The following GNPNAT1 variants were observed in gnomAD, a reference collection of about 807,000 sequenced individuals.
GNPNAT1 encodes the protein glucosamine-phosphate N-acetyltransferase 1.
In GNPNAT1, 11 loss-of-function variants were observed where a neutral mutation model predicts 19.8. That is an observed-to-expected ratio of 0.56 (90% CI 0.35 to 0.92). GNPNAT1 has a LOEUF of 0.92. GNPNAT1 is among the 40% of genes least tolerant of loss of function. GNPNAT1 has a pLI of 0.01. For synonymous variants in GNPNAT1, 71 were observed against 72.3 expected, an observed-to-expected ratio of 0.98 and a Z score of 0.09; for missense variants, 157 against 211.0, an observed-to-expected ratio of 0.74 and a Z score of 1.59.
intron 1 of GNPNAT1, among the ~76,000 whole-genome samples, chr14:52,789,893 C>T (rs1340254322): frequency 6.6e-6 from 1 of 151,218 alleles, no homozygotes; most frequent in African/African-American, 2.4e-5. Flanking sequence ...GTTTAGAAGA[C>T]CCGTTTAAGC....
At chr14:52,780,568 G>C (rs926479830) in intron 5 of GNPNAT1, 111 bp downstream of exon 5, 2 of 706,474 alleles carry the variant, frequency 2.8e-6, no homozygotes, top group Admixed American at 4.4e-5. Flanking sequence ...CTATTAGAGT[G>C]AGAATAAGTT....
chr14:52,789,606 T>C (rs1191281433), intron 1 of GNPNAT1, among the ~76,000 whole-genome samples: 1 of 152,186 alleles, frequency 6.6e-6, no homozygotes, highest in Non-Finnish European at 1.5e-5. Context: ...CCAACTAAGG[T>C]ACTGGGCAAA....
intron 1 of GNPNAT1, among the ~76,000 whole-genome samples, chr14:52,790,110 A>T (rs934384735): frequency 1.3e-5 from 2 of 152,208 alleles, no homozygotes; most frequent in Non-Finnish European, 2.9e-5. Flanking sequence ...ATATTTTTTA[A>T]ACAAAACTTC....
chr14:52,781,770 T>C lies in GNPNAT1; in HGVS notation c.345+14A>G. 1.3e-6 allele frequency: 2 copies of C among 1,569,834 alleles called. No individual in the cohort carries two copies. Among genetic ancestry groups the C allele is most frequent in the South Asian group, 1.2e-5 (1 of 83,118 alleles). ...AGAAAACAGCTGTCCATTTTATTTATAAGCAGCACATACCTTAGCACAGGA... is the reference window on the plus strand; with the variant it reads ...AGAAAACAGCTGTCCATTTTATTTACAAGCAGCACATACCTTAGCACAGGA... On this transcript the variant is annotated intron_variant, in intron 4 of 5. Transcript: ENST00000216410.
chr14:52,785,720 T>TC (rs2139970166), intron 1 of GNPNAT1, among the ~76,000 whole-genome samples: 1 of 149,874 alleles, frequency 6.7e-6, no homozygotes, highest in East Asian at 2.0e-4. Flanking sequence ...AGAGTGAAAT[T>TC]CCCTCTCAAA....
intron 5 of GNPNAT1, among the ~76,000 whole-genome samples, chr14:52,779,589 A>G (rs1334067540): frequency 6.6e-6 from 1 of 151,810 alleles, no homozygotes; most frequent in African/African-American, 2.4e-5. Flanking sequence ...GTGCAGCGGC[A>G]TGCACCTGTA....
At chr14:52,790,939 G>C (rs1415152075) in intron 1 of GNPNAT1, among the ~76,000 whole-genome samples, 1 of 152,196 alleles carries the variant, frequency 6.6e-6, no homozygotes, top group Admixed American at 6.5e-5. Flanking sequence ...TCTGTACCCT[G>C]GGGAAAGCGC....
chr14:52,791,152 C>G lies in GNPNAT1; in HGVS notation c.-15+276G>C, dbSNP rs955918493. Among the ~76,000 whole-genome samples the G allele has an allele frequency of 6.6e-6, 1 of 152,218 alleles. No individual in the cohort carries two copies. The highest frequency in any genetic ancestry group is 1.5e-5 in the Non-Finnish European group (1 of 68,032). Reference sequence around the variant, plus strand: ...CGAAGTTCCGACCCCAGTCCCAGTTCCAGCCCTGCCAGGCCAAGACCAGCG... The same window carrying G: ...CGAAGTTCCGACCCCAGTCCCAGTTGCAGCCCTGCCAGGCCAAGACCAGCG... On this transcript the variant is annotated intron_variant, in intron 1 of 5. Coordinates refer to ENST00000216410, the MANE Select transcript of GNPNAT1 (RefSeq NM_198066.4). The surrounding 1 kb of genome is among the most constrained non-coding windows in gnomAD (Gnocchi z 4.1).
At chr14:52,779,938 G>A (rs919344800) in intron 5 of GNPNAT1, among the ~76,000 whole-genome samples, 1 of 152,042 alleles carries the variant, frequency 6.6e-6, no homozygotes, top group Non-Finnish European at 1.5e-5. Context: ...TGTAATCCCA[G>A]CACTTTGGGA....
intron 1 of GNPNAT1, among the ~76,000 whole-genome samples, chr14:52,788,300 A>G (rs1187985882): frequency 6.6e-6 from 1 of 151,182 alleles, no homozygotes; most frequent in Non-Finnish European, 1.5e-5. Flanking sequence ...CGCCTGGCTA[A>G]TTTTTGTATT....
At chr14:52,784,453 A>C (rs1174818743) in intron 2 of GNPNAT1, 44 bp downstream of exon 2, 3 of 1,446,016 alleles carry the variant, frequency 2.1e-6, no homozygotes, top group African/African-American at 2.9e-5. Flanking sequence ...TTTAGAGAAA[A>C]ATGGAAGGCT....
intron 1 of GNPNAT1, among the ~76,000 whole-genome samples, chr14:52,785,376 A>AG (rs1280839694): frequency 6.6e-6 from 1 of 152,114 alleles, no homozygotes; most frequent in Non-Finnish European, 1.5e-5. Context: ...GGAAATTGCA[A>AG]GGGGAAAAAA....
chr14:52,781,657 A>G, intron 4 of GNPNAT1, 127 bp downstream of exon 4: 1 of 838,506 alleles, frequency 1.2e-6, no homozygotes, highest in Non-Finnish European at 1.9e-6. Context: ...AAGCTCTCAG[A>G]ACACACTGGG....
chr14:52,779,418 T>A lies in GNPNAT1; in HGVS notation c.408-960A>T, dbSNP rs749137011. Among the ~76,000 whole-genome samples, 16 of 151,836 alleles carry A rather than the reference T, an allele frequency of 1.1e-4. No individual in the cohort carries two copies. The South Asian group carries it at 2.3e-3, about 22-fold the overall frequency. On this transcript the variant is annotated intron_variant, in intron 5 of 5. Coordinates refer to ENST00000216410, the MANE Select transcript of GNPNAT1 (RefSeq NM_198066.4). The stretch of plus-strand genomic sequence containing the variant: ...TGAACAGACTAAAAAATCCTATTTT[T>A]AAAAAAAACAAAAGACCTTGACTGA...
intron 1 of GNPNAT1, among the ~76,000 whole-genome samples, chr14:52,787,340 A>T (rs1416018540): frequency 6.6e-6 from 1 of 152,120 alleles, no homozygotes; most frequent in African/African-American, 2.4e-5. Flanking sequence ...CTATATAAGC[A>T]ATGCTGCAAT....
intron 4 of GNPNAT1, among the ~76,000 whole-genome samples, chr14:52,781,162 A>G (rs60706939): frequency 6.6e-6 from 1 of 152,286 alleles, no homozygotes; most frequent in East Asian, 1.9e-4. Flanking sequence ...TTGTCTTTAA[A>G]CAAATATCAG....
At chr14:52,786,857 ATTTTTTTTTTTT>A (rs567085170) in intron 1 of GNPNAT1, among the ~76,000 whole-genome samples, 17,111 of 99,006 alleles carry the variant, frequency 0.17, 1,346 homozygotes, top group African/African-American at 0.28. Context: ...CAGGTTTTGG[ATTTTTTTTTTTT>A]TTTTTTTTTT....
rs1462676785 is a variant in GNPNAT1 at position 52,781,829 on chromosome 14, C to G, written c.300G>C (p.Thr100=). The G allele has an allele frequency of 6.2e-7, 1 of 1,605,294 alleles. No homozygotes were observed. The highest frequency in any genetic ancestry group is 1.7e-5 in the Admixed American group (1 of 58,712). Residue 100 remains threonine, a synonymous_variant, in exon 4 of 6, where the codon ACG becomes ACC. Transcript: ENST00000216410. ...EDVTLGQIVA[T]ATLIIEHKFI... ...ATTTATGTTCTATAATCAGAGTTGCCGTAGCAACAATCTGTCCTAGAGTCA... is the reference window on the plus strand; with the variant it reads ...ATTTATGTTCTATAATCAGAGTTGCGGTAGCAACAATCTGTCCTAGAGTCA...
Position 52,784,418 on chromosome 14 carries a change from A to T in GNPNAT1, c.154+79T>A, listed in dbSNP as rs187322614. ...AAAATAGTCCAAAAGTCAAATATTTAAAAAAAATTATCTGCATCATAATGT... is the reference window on the plus strand; with the variant it reads ...AAAATAGTCCAAAAGTCAAATATTTTAAAAAAATTATCTGCATCATAATGT... On this transcript the variant is annotated intron_variant, in intron 2 of 5. Coordinates refer to ENST00000216410, the MANE Select transcript of GNPNAT1 (RefSeq NM_198066.4). 2.1e-4 allele frequency: 252 copies of T among 1,177,746 alleles called. 3 individuals are homozygous for T. The Middle Eastern group carries it at 3.2e-3, about 15-fold the overall frequency. The allele number at this position is 1,177,746 out of a possible 1,614,324, so 73.0% of individuals were successfully genotyped here.
Sources: gnomAD v4.1 joint callset for allele counts (sites outside exome capture counted in the v4.1 genomes callset) on GRCh38, gnomAD v4.1.1 for gene constraint, Gnocchi (gnomAD v3.1) non-coding constraint, MANE v1.5 for transcripts, NCBI Gene and HGNC (gene_info 2026-07-23, HGNC 2026-07-21) for gene names.